The following NCAM1 variants were observed in gnomAD, a reference collection of about 807,000 sequenced individuals.
NCAM1 encodes antigen recognized by monoclonal antibody 5.1H11.
In NCAM1, 14 loss-of-function variants were observed where a neutral mutation model predicts 109.8. That is an observed-to-expected ratio of 0.13 (90% CI 0.08 to 0.20). The LOEUF is 0.20. Ranked by LOEUF, NCAM1 falls within the 10% of genes least tolerant of loss-of-function variation. The pLI, the probability that NCAM1 is intolerant of heterozygous loss-of-function variation, is 1.00. For missense variants in NCAM1, 774 were observed against 1,109.9 expected, an observed-to-expected ratio of 0.70 and a Z score of 4.30; for synonymous variants, 418 against 442.9, an observed-to-expected ratio of 0.94 and a Z score of 0.70.
rs187228021 is a variant in NCAM1, at chr11:113,090,984, C to T, written c.53-111395C>T. On this transcript the variant is annotated intron_variant, in intron 1 of 19. Coordinates refer to ENST00000316851, the MANE Select transcript of NCAM1 (RefSeq NM_181351.5). ...AGTAAACATAATAAATGAGCAAATG[C>T]TATAGTATGTTAGAAAGTGGTAATA... Among the ~76,000 whole-genome samples the T allele has an allele frequency of 3.9e-5, 6 of 152,136 alleles. No individual in the cohort carries two copies. In the East Asian group the frequency reaches 1.2e-3, roughly 29 times the overall value.
At chr11:113,256,306 C>T (rs1289426083) in intron 16 of NCAM1, among the ~76,000 whole-genome samples, 1 of 152,190 alleles carries the variant, frequency 6.6e-6, no homozygotes, top group Non-Finnish European at 1.5e-5. Context: ...TTATCTAGTA[C>T]TTCTTGTAAA....
At chr11:113,239,619 A>T (rs1161226862) in intron 14 of NCAM1, among the ~76,000 whole-genome samples, 1 of 147,716 alleles carries the variant, frequency 6.8e-6, no homozygotes, top group Admixed American at 7.1e-5. Flanking sequence ...CATACTCCTG[A>T]GTCTCTACTT....
At chr11:113,231,908 C>T (rs1945020626) in intron 10 of NCAM1, 113 bp downstream of exon 10, 5 of 1,378,808 alleles carry the variant, frequency 3.6e-6, no homozygotes, top group African/African-American at 2.8e-5. Flanking sequence ...TGCTTACGTT[C>T]CCTGCAGCTG....
intron 1 of NCAM1, chr11:113,197,161 G>A: frequency 4.4e-6 from 1 of 225,578 alleles, no homozygotes; most frequent in Non-Finnish European, 9.9e-6. Context: ...CCTCCCACCA[G>A]GTCCCGTGCT....
intron 1 of NCAM1, among the ~76,000 whole-genome samples, chr11:113,150,572 A>G (rs1942189846): frequency 6.6e-6 from 1 of 152,238 alleles, no homozygotes; most frequent in Non-Finnish European, 1.5e-5. Context: ...AGTCAACAGC[A>G]TAGGACCCTT....
At chr11:113,139,501 A>T (rs1350678142) in intron 1 of NCAM1, among the ~76,000 whole-genome samples, 1 of 152,188 alleles carries the variant, frequency 6.6e-6, no homozygotes, top group African/African-American at 2.4e-5. Flanking sequence ...GTCAAGTTGC[A>T]GGAAACATCA....
chr11:113,257,778 G>T (rs1945869599), intron 16 of NCAM1, among the ~76,000 whole-genome samples: 1 of 152,212 alleles, frequency 6.6e-6, no homozygotes, highest in South Asian at 2.1e-4. Context: ...GTTGTCTCTT[G>T]TATAATGATG....
chr11:113,236,353 G>A (rs782096553), intron 14 of NCAM1: 1 of 1,604,540 alleles, frequency 6.2e-7, no homozygotes, highest in Non-Finnish European at 8.5e-7. Context: ...TGTTTCCATA[G>A]CGTTAACATC....
intron 5 of NCAM1, among the ~76,000 whole-genome samples, chr11:113,206,665 G>A (rs1944247843): frequency 6.6e-6 from 1 of 152,194 alleles, no homozygotes; most frequent in African/African-American, 2.4e-5. Flanking sequence ...AAATTATAAT[G>A]TCAGTACTAA....
chr11:113,208,725 A>G (rs1944312209), intron 7 of NCAM1, among the ~76,000 whole-genome samples: 1 of 152,056 alleles, frequency 6.6e-6, no homozygotes, highest in African/African-American at 2.4e-5. Context: ...GTACCTGAAC[A>G]GATGTCATTT....
In NCAM1 at chr11:113,264,734, C is replaced by T. The variant is rs1183153577; in HGVS notation, c.2131+4411C>T. The T allele has an allele frequency of 2.1e-5, 21 of 985,194 alleles. 1 individual carries two copies. The highest frequency in any genetic ancestry group is 5.2e-4 in the Middle Eastern group (1 of 1,936). The allele number at this position is 985,194 out of a possible 1,614,324, so 61.0% of individuals were successfully genotyped here. The stretch of plus-strand genomic sequence containing the variant: ...TCGTCCTAAGTGTGGAGAGGACTGA[C>T]GTGGCCCTGTCATCTCAACACATCC... On this transcript the variant is annotated intron_variant, in intron 17 of 19. Coordinates refer to ENST00000316851, the MANE Select transcript of NCAM1 (RefSeq NM_181351.5).
At chr11:113,025,673 G>A (rs528301729) in intron 1 of NCAM1, among the ~76,000 whole-genome samples, 6 of 150,430 alleles carry the variant, frequency 4.0e-5, no homozygotes, top group Admixed American at 3.3e-4. Context: ...AGCCAAGATC[G>A]CACCACTGCA....
intron 1 of NCAM1, among the ~76,000 whole-genome samples, chr11:112,997,630 C>T (rs921635610): frequency 8.6e-5 from 13 of 151,900 alleles, no homozygotes; most frequent in African/African-American, 3.1e-4. Context: ...CATATGTAGC[C>T]CCCTCCTCTC....
At chr11:113,160,249 C>A (rs1165739503) in intron 1 of NCAM1, among the ~76,000 whole-genome samples, 8 of 152,154 alleles carry the variant, frequency 5.3e-5, no homozygotes, top group African/African-American at 1.7e-4. Context: ...CAATCTCTCA[C>A]CACATTGGAG....
At chr11:113,065,438 C>T (rs186324153) in intron 1 of NCAM1, among the ~76,000 whole-genome samples, 1 of 152,142 alleles carries the variant, frequency 6.6e-6, no homozygotes, top group Non-Finnish European at 1.5e-5. Flanking sequence ...AAAAGAGTAA[C>T]TTCACAGGGG....
chr11:112,997,336 T>C (rs1565372061), intron 1 of NCAM1, among the ~76,000 whole-genome samples: 2 of 152,134 alleles, frequency 1.3e-5, no homozygotes, highest in Admixed American at 6.5e-5. Flanking sequence ...ATTTATTACA[T>C]AGTATATTAA....
chr11:113,045,631 A>G (rs1483186135), intron 1 of NCAM1, among the ~76,000 whole-genome samples: 2 of 152,214 alleles, frequency 1.3e-5, no homozygotes, highest in South Asian at 2.1e-4. Context: ...TGCATTATTT[A>G]TACTTCCTGA....
intron 14 of NCAM1, chr11:113,246,038 G>A (rs1468911008): frequency 2.5e-6 from 1 of 396,572 alleles, no homozygotes; most frequent in African/African-American, 2.0e-5. Flanking sequence ...GTATTAATAT[G>A]TAGTGTTGCA....
At chr11:113,017,919 T>C (rs1314716093) in intron 1 of NCAM1, among the ~76,000 whole-genome samples, 1 of 152,190 alleles carries the variant, frequency 6.6e-6, no homozygotes, top group Non-Finnish European at 1.5e-5. Flanking sequence ...AGGATTCCTT[T>C]GATTCCTTCC....
Sources: allele counts gnomAD v4.1 joint callset (sites outside exome capture counted in the v4.1 genomes callset), GRCh38; gene constraint gnomAD v4.1.1; transcripts MANE v1.5; gene names NCBI Gene and HGNC (gene_info 2026-07-23, HGNC 2026-07-21).